The following NXPH1 variants were observed in gnomAD, a reference collection of about 807,000 sequenced individuals.
NXPH1 encodes neurexophilin 1.
NXPH1 carries 5 observed loss-of-function variants against 23.7 expected under a neutral mutation model. That is an observed-to-expected ratio of 0.21 (90% CI 0.11 to 0.44). The LOEUF is 0.44. NXPH1 is among the 20% of genes least tolerant of loss of function. The probability of loss-of-function intolerance (pLI) is 0.99; values close to 1 mark genes in which losing one functional copy is unlikely to be tolerated. For synonymous variants in NXPH1, 144 were observed against 122.2 expected, an observed-to-expected ratio of 1.18 and a Z score of -1.18; for missense variants, 324 against 321.6, an observed-to-expected ratio of 1.01 and a Z score of -0.06.
chr7:8,691,021 C>A (rs981247230), intron 2 of NXPH1, among the ~76,000 whole-genome samples: 1 of 152,222 alleles, frequency 6.6e-6, no homozygotes, highest in Admixed American at 6.5e-5. Context: ...GGTAGATTCA[C>A]TTGACTGTGA....
chr7:8,453,019 G>A (rs1816533475), intron 2 of NXPH1, among the ~76,000 whole-genome samples: 1 of 151,952 alleles, frequency 6.6e-6, no homozygotes, highest in African/African-American at 2.4e-5. Context: ...GCAGGCCTCT[G>A]GCAAGAACAG....
chr7:8,576,788 T>A (rs1389765952), intron 2 of NXPH1, among the ~76,000 whole-genome samples: 1 of 152,180 alleles, frequency 6.6e-6, no homozygotes, highest in Non-Finnish European at 1.5e-5. Flanking sequence ...TGATGGTTGT[T>A]CTTCATTGAA....
At chr7:8,744,632 C>CT (rs1780437906) in intron 2 of NXPH1, among the ~76,000 whole-genome samples, 1 of 152,180 alleles carries the variant, frequency 6.6e-6, no homozygotes, top group African/African-American at 2.4e-5. Context: ...ATCCTTGTTC[C>CT]CAGTTTCCTA....
At chr7:8,546,698 C>T (rs1176497756) in intron 2 of NXPH1, among the ~76,000 whole-genome samples, 1 of 151,424 alleles carries the variant, frequency 6.6e-6, no homozygotes, top group Non-Finnish European at 1.5e-5. Flanking sequence ...TCTGCTCATT[C>T]ATCTCCCAGT....
intron 2 of NXPH1, among the ~76,000 whole-genome samples, chr7:8,646,424 T>A (rs936758107): frequency 3.3e-5 from 5 of 152,210 alleles, no homozygotes; most frequent in Non-Finnish European, 2.9e-5. Context: ...ACAATATTAT[T>A]TCTTTTTTGC....
intron 2 of NXPH1, among the ~76,000 whole-genome samples, chr7:8,742,394 G>C (rs985908265): frequency 4.6e-5 from 7 of 151,904 alleles, no homozygotes; most frequent in Admixed American, 2.6e-4. Flanking sequence ...AATAATTAAG[G>C]ATCTATCACA....
chr7:8,440,372 G>C (rs1199500072), intron 2 of NXPH1, among the ~76,000 whole-genome samples: 1 of 152,194 alleles, frequency 6.6e-6, no homozygotes, highest in Non-Finnish European at 1.5e-5. Flanking sequence ...GCTGACTTTA[G>C]TATTCGGAGA....
At chr7:8,465,483 G>T (rs78132680) in intron 2 of NXPH1, among the ~76,000 whole-genome samples, 8,056 of 152,138 alleles carry the variant, frequency 0.053, 397 homozygotes, top group African/African-American at 0.13. Context: ...ATTGTATGTG[G>T]GATGCCTGCA....
At chr7:8,683,465 G>C (rs1821089702) in intron 2 of NXPH1, among the ~76,000 whole-genome samples, 2 of 152,116 alleles carry the variant, frequency 1.3e-5, no homozygotes, top group Admixed American at 1.3e-4. Flanking sequence ...ACTTGTCATT[G>C]TGATTTAGAA....
intron 2 of NXPH1, among the ~76,000 whole-genome samples, chr7:8,701,061 T>G (rs2115189627): frequency 6.6e-6 from 1 of 152,230 alleles, no homozygotes; most frequent in East Asian, 1.9e-4. Context: ...TTAAAACCAC[T>G]GAATCACCTT....
chr7:8,668,104 T>C (rs979844309), intron 2 of NXPH1, among the ~76,000 whole-genome samples: 1 of 152,072 alleles, frequency 6.6e-6, no homozygotes, highest in African/African-American at 2.4e-5. Context: ...TTTTCTGATA[T>C]CATTTTATTG....
chr7:8,674,162 G>GACACAC (rs35790323), intron 2 of NXPH1, among the ~76,000 whole-genome samples: 87 of 86,188 alleles, frequency 1.0e-3, no homozygotes, highest in African/African-American at 1.5e-3. Context: ...CAAACATATA[G>GACACAC]ACACACACAC....
chr7:8,706,401 C>G (rs563539844), intron 2 of NXPH1, among the ~76,000 whole-genome samples: 1 of 152,324 alleles, frequency 6.6e-6, no homozygotes, highest in East Asian at 1.9e-4. Flanking sequence ...CCTCTCCTCC[C>G]TCAATGCATA....
intron 2 of NXPH1, among the ~76,000 whole-genome samples, chr7:8,559,487 C>A (rs900953086): frequency 1.3e-5 from 2 of 151,550 alleles, no homozygotes; most frequent in Non-Finnish European, 3.0e-5. Flanking sequence ...AATATAAATT[C>A]TTTTGGTTCC....
chr7:8,675,718 T>C (rs1478689972), intron 2 of NXPH1, among the ~76,000 whole-genome samples: 1 of 152,144 alleles, frequency 6.6e-6, no homozygotes, highest in African/African-American at 2.4e-5. Flanking sequence ...TGAGTATAGG[T>C]TATCCAGGTA....
At chr7:8,471,338 T>C (rs1383351909) in intron 2 of NXPH1, among the ~76,000 whole-genome samples, 1 of 152,108 alleles carries the variant, frequency 6.6e-6, no homozygotes, top group Non-Finnish European at 1.5e-5. Flanking sequence ...TTGTGAAGAG[T>C]AAAAACTCTG....
intron 2 of NXPH1, among the ~76,000 whole-genome samples, chr7:8,544,049 C>T (rs1192111077): frequency 2.0e-5 from 3 of 151,594 alleles, no homozygotes; most frequent in Admixed American, 6.6e-5. Flanking sequence ...TCCAACTCTC[C>T]AGGCTCCCAA....
intron 2 of NXPH1, among the ~76,000 whole-genome samples, chr7:8,614,803 G>A (rs1159175285): frequency 6.6e-6 from 1 of 151,942 alleles, no homozygotes; most frequent in African/African-American, 2.4e-5. Context: ...CTACTTCTCT[G>A]TAAAGATTTA....
intron 2 of NXPH1, among the ~76,000 whole-genome samples, chr7:8,604,096 A>C (rs895985966): frequency 2.6e-5 from 4 of 152,098 alleles, no homozygotes; most frequent in African/African-American, 9.7e-5. Context: ...GGATGGTTCT[A>C]TCCTTTCTTC....
Sources: gnomAD v4.1 joint callset for allele counts (sites outside exome capture counted in the v4.1 genomes callset) on GRCh38, gnomAD v4.1.1 for gene constraint, MANE v1.5 for transcripts, NCBI Gene and HGNC (gene_info 2026-07-23, HGNC 2026-07-21) for gene names.